ZNF385D: variants seen among roughly 807,000 people sequenced by gnomAD.
ZNF385D encodes the protein zinc finger protein 659.
Under a neutral mutation model 35.8 loss-of-function variants are expected in ZNF385D, and 15 were observed. The observed-to-expected ratio is 0.42, with a 90% CI of 0.28 to 0.64. ZNF385D has a LOEUF of 0.64. Among genes scored for constraint, ZNF385D ranks in the 30% least tolerant of loss-of-function variants. The pLI, the probability that ZNF385D is intolerant of heterozygous loss-of-function variation, is 0.23. For missense variants in ZNF385D, 474 were observed against 494.6 expected (o/e 0.96, Z 0.39); for synonymous variants, 212 against 186.8 (o/e 1.13, Z -1.10).
chr3:21,580,147 G>A (rs2063611500), intron 2 of ZNF385D, among the ~76,000 whole-genome samples: 1 of 152,080 alleles, frequency 6.6e-6, no homozygotes, highest in African/African-American at 2.4e-5. Context: ...AGTTTTTCCT[G>A]TCTAAATGAC....
At chr3:21,444,127 T>C (rs1293329001) in intron 4 of ZNF385D, among the ~76,000 whole-genome samples, 1 of 147,314 alleles carries the variant, frequency 6.8e-6, no homozygotes, top group Non-Finnish European at 1.5e-5. Context: ...TCACCCAGGC[T>C]GGAGTACAGT....
At chr3:22,040,887 C>CT (rs5847155) in intron 3 of ZNF385D, among the ~76,000 whole-genome samples, 5,751 of 152,078 alleles carry the variant, frequency 0.038, 394 homozygotes, top group African/African-American at 0.13. Flanking sequence ...TTGCTAGAGT[C>CT]TTTTTTTGTG....
intron 1 of ZNF385D, among the ~76,000 whole-genome samples, chr3:21,705,057 G>T (rs1293352411): frequency 6.6e-6 from 1 of 152,138 alleles, no homozygotes; most frequent in African/African-American, 2.4e-5. Context: ...AGAATGTAGG[G>T]TTCGTGTTGC....
intron 4 of ZNF385D, among the ~76,000 whole-genome samples, chr3:21,496,701 C>T (rs1705921688): frequency 6.6e-6 from 1 of 151,424 alleles, no homozygotes; most frequent in Admixed American, 6.6e-5. Context: ...AGCGAATCTA[C>T]CATAATCAAA....
chr3:21,453,467 A>G (rs1702595164), intron 4 of ZNF385D, among the ~76,000 whole-genome samples: 1 of 152,026 alleles, frequency 6.6e-6, no homozygotes, highest in African/African-American at 2.4e-5. Flanking sequence ...TAAATTATGT[A>G]TCTGATATAG....
At chr3:21,425,136 T>C (rs1700959117) in intron 6 of ZNF385D, among the ~76,000 whole-genome samples, 1 of 152,198 alleles carries the variant, frequency 6.6e-6, no homozygotes, top group Non-Finnish European at 1.5e-5. Flanking sequence ...ATACTGCAAG[T>C]TGATCTTTAA....
intron 2 of ZNF385D, among the ~76,000 whole-genome samples, chr3:22,252,933 A>T (rs535213963): frequency 1.1e-4 from 17 of 152,112 alleles, no homozygotes; most frequent in Non-Finnish European, 2.5e-4. Context: ...TCCTATAGGC[A>T]TCAAGAAGTA....
intron 3 of ZNF385D, among the ~76,000 whole-genome samples, chr3:22,146,080 G>A (rs1559406336): frequency 6.6e-6 from 1 of 151,980 alleles, no homozygotes. Context: ...AGCAAGCTGT[G>A]AACTGCATCA....
chr3:22,169,781 C>G (rs991241783), intron 2 of ZNF385D, among the ~76,000 whole-genome samples: 2 of 152,136 alleles, frequency 1.3e-5, no homozygotes, highest in African/African-American at 4.8e-5. Flanking sequence ...TTCAGTATCT[C>G]TGGCCTTAAT....
intron 3 of ZNF385D, among the ~76,000 whole-genome samples, chr3:22,073,044 G>A (rs1374717570): frequency 1.3e-5 from 2 of 151,864 alleles, no homozygotes; most frequent in Non-Finnish European, 2.9e-5. Context: ...AACACCTCAA[G>A]TCACCATTAA....
intron 1 of ZNF385D, among the ~76,000 whole-genome samples, chr3:21,734,067 T>C (rs2069134103): frequency 6.6e-6 from 1 of 152,216 alleles, no homozygotes; most frequent in African/African-American, 2.4e-5. Context: ...ATGTTTCTTC[T>C]TTCAGATAAA....
intron 2 of ZNF385D, among the ~76,000 whole-genome samples, chr3:21,582,574 A>G (rs2063697880): frequency 6.6e-6 from 1 of 152,148 alleles, no homozygotes; most frequent in African/African-American, 2.4e-5. Context: ...ATAAAGGTCA[A>G]GTGTTCAGCA....
At chr3:21,472,957 A>G (rs1441872001) in intron 4 of ZNF385D, among the ~76,000 whole-genome samples, 2 of 151,960 alleles carry the variant, frequency 1.3e-5, no homozygotes, top group Non-Finnish European at 2.9e-5. Flanking sequence ...GTTTTTTTTC[A>G]GAATACCAAA....
intron 1 of ZNF385D, among the ~76,000 whole-genome samples, chr3:21,744,434 T>G (rs62236192): frequency 6.6e-6 from 1 of 152,082 alleles, no homozygotes; most frequent in Non-Finnish European, 1.5e-5. Flanking sequence ...CTGCAAATTG[T>G]AGGCAAAATT....
intron 2 of ZNF385D, among the ~76,000 whole-genome samples, chr3:22,204,561 TCAGA>T (rs1487663576): frequency 2.6e-5 from 4 of 151,972 alleles, no homozygotes; most frequent in African/African-American, 9.7e-5. Flanking sequence ...ATGTGACCTT[TCAGA>T]CAGAGAATTC....
chr3:22,112,365 CATCAGAA>C (rs1702580300), intron 3 of ZNF385D, among the ~76,000 whole-genome samples: 2 of 152,048 alleles, frequency 1.3e-5, no homozygotes, highest in South Asian at 4.1e-4. Context: ...GTCCTCCAAC[CATCAGAA>C]ATCAGAGGAA....
chr3:21,722,676 C>A (rs558162217), intron 1 of ZNF385D, among the ~76,000 whole-genome samples: 15 of 152,332 alleles, frequency 9.8e-5, no homozygotes, highest in Non-Finnish European at 1.8e-4. Context: ...GAATTCTTCC[C>A]CCAATATGAT....
chr3:22,105,553 T>G (rs1330377239), intron 3 of ZNF385D, among the ~76,000 whole-genome samples: 1 of 152,014 alleles, frequency 6.6e-6, no homozygotes, highest in Non-Finnish European at 1.5e-5. Context: ...AAGCAGGTGG[T>G]GTAGTTTGAA....
chr3:21,836,495 C>T (rs1343114787), intron 3 of ZNF385D, among the ~76,000 whole-genome samples: 2 of 152,058 alleles, frequency 1.3e-5, no homozygotes, highest in African/African-American at 2.4e-5. Flanking sequence ...GGATATAACA[C>T]ATTACAGAGA....
Sources: allele counts gnomAD v4.1 joint callset (sites outside exome capture counted in the v4.1 genomes callset), GRCh38; gene constraint gnomAD v4.1.1; transcripts MANE v1.5; gene names NCBI Gene and HGNC (gene_info 2026-07-23, HGNC 2026-07-21).